The following DGKQ variants were observed in gnomAD, a reference collection of about 807,000 sequenced individuals.
DGKQ encodes diacylglycerol kinase theta, also known as DAG kinase theta.
A neutral mutation model predicts 104.2 loss-of-function variants in DGKQ; 97 were observed. That is an observed-to-expected ratio of 0.93 (90% CI 0.79 to 1.10). The LOEUF is 1.10. Ranked by LOEUF, DGKQ falls within the 50% of genes least tolerant of loss-of-function variation. The probability of loss-of-function intolerance (pLI) is 0.00; values close to 1 mark genes in which losing one functional copy is unlikely to be tolerated. For synonymous variants in DGKQ, 736 were observed against 595.2 expected (o/e 1.24, Z -3.44); for missense variants, 1,465 against 1,352.1 (o/e 1.08, Z -1.31).
intron 12 of DGKQ, 123 bp downstream of exon 12, chr4:966,343 C>G: frequency 8.8e-7 from 1 of 1,137,630 alleles, no homozygotes; most frequent in Non-Finnish European, 1.3e-6. Context: ...GCTGCCCTGT[C>G]AGCCAGGACA....
At chr4:968,780 C>T in intron 3 of DGKQ, 31 bp downstream of exon 3, 1 of 1,582,154 alleles carries the variant, frequency 6.3e-7, no homozygotes. Context: ...GACCAGGACA[C>T]TGGGTGGGGA....
intron 18 of DGKQ, 32 bp downstream of exon 18, chr4:962,403 T>C: frequency 1.3e-6 from 2 of 1,528,316 alleles, no homozygotes. Flanking sequence ...TGCAGGAGCC[T>C]GGAAGGCACC....
chr4:961,949 G>GT (rs1261693378), intron 19 of DGKQ, 33 bp downstream of exon 19: 4 of 1,610,554 alleles, frequency 2.5e-6, no homozygotes, highest in Non-Finnish European at 3.4e-6. Flanking sequence ...GAGGTATGCC[G>GT]TTGACAGGTG....
In DGKQ at chr4:967,919, TGCTGAAGCC is replaced by T; in HGVS notation, c.763_771del (p.Gly255_Ser257del). On this transcript the variant is annotated inframe_deletion, in exon 6 of 23. Transcript: ENST00000273814. ...TCCACGATGCGGAAGCTCTGCGTCT[TGCTGAAGCC>T]GCCGGGCAGAAGGCGCACGCACGCG... The T allele has an allele frequency of 6.8e-7, 1 of 1,463,236 alleles. No individual in the cohort carries two copies. Among genetic ancestry groups the T allele is most frequent in the Non-Finnish European group, 9.0e-7 (1 of 1,116,074 alleles). 90.6% of individuals were successfully genotyped at this position (1,463,236 alleles called of 1,614,324 possible). A position where few individuals can be genotyped will look rare whatever the true frequency, so the allele number is the denominator to read the frequency against.
chr4:963,994 G>A (rs952509037), intron 15 of DGKQ: 4 of 154,390 alleles, frequency 2.6e-5, no homozygotes, highest in Admixed American at 1.3e-4. Flanking sequence ...CACAGGGGCC[G>A]GCCGTGGCTG....
chr4:973,455 G>C lies in DGKQ; in HGVS notation c.28C>G (p.Arg10Gly), dbSNP rs1713104704. 2.0e-6 allele frequency: 2 copies of C among 986,324 alleles called. No individual in the cohort carries two copies. Among genetic ancestry groups the C allele is most frequent in the African/African-American group, 1.8e-5 (1 of 56,860 alleles). The allele number at this position is 986,324 out of a possible 1,614,324, so 61.1% of individuals were successfully genotyped here. ...GGGGAGCCGCCGCCCAGCCAGGCGC[G>C]GGCCCCGGGCTCGGCCGCCGCCGCC... MAAAAEPGA[R>G]AWLGGGSPRP... The change falls in exon 1 of 23, where the codon CGC (arginine) becomes GGC (glycine). Residue 10 changes from arginine (R) to glycine (G), a missense_variant. Coordinates refer to ENST00000273814, the MANE Select transcript of DGKQ (RefSeq NM_001347.4).
At position 965,385 on chromosome 4, in the gene DGKQ, G is replaced by A. The variant is rs1712226660; in HGVS notation, c.1619-94C>T. 7 of 1,548,136 alleles carry A rather than the reference G, an allele frequency of 4.5e-6. No individual in the cohort carries two copies. In the South Asian group the frequency reaches 8.0e-5, roughly 18 times the overall value. The stretch of plus-strand genomic sequence containing the variant: ...AACCAGGACGTTTCCCCAGCCCAGG[G>A]CTGCCCAAGGGAAAGGTCAGGTGCT... On this transcript the variant is annotated intron_variant, in intron 14 of 22. Coordinates refer to ENST00000273814, the MANE Select transcript of DGKQ (RefSeq NM_001347.4).
chr4:962,314 A>G, intron 18 of DGKQ, 121 bp downstream of exon 18: 2 of 1,081,072 alleles, frequency 1.9e-6, no homozygotes, highest in Non-Finnish European at 2.6e-6. Context: ...CCCGCTTTGC[A>G]GAGGGGATGA....
intron 12 of DGKQ, 77 bp downstream of exon 12, chr4:966,389 G>T: frequency 6.7e-7 from 1 of 1,502,412 alleles, no homozygotes; most frequent in Non-Finnish European, 9.2e-7. Context: ...GGCGTCTGGG[G>T]CACACCCACC....
rs375891086 is a variant in DGKQ at position 965,217 on chromosome 4, G to A, written c.1693C>T (p.Arg565Trp). The stretch of plus-strand genomic sequence containing the variant: ...ACCAGGGCAGTGAGCAGCCGGCCCC[G>A]CACAGCCATGTCCTTCAGCAGCATG... The part of the protein sequence containing the change: ...LYMLLKDMAV[R>W]GRLLTALVLP... The change falls in exon 15 of 23, where the codon CGG (arginine) becomes TGG (tryptophan). Residue 565 changes from arginine (R) to tryptophan (W), a missense_variant. By Grantham distance (101) the Arg-to-Trp change is moderately radical (BLOSUM62 -3). Coordinates refer to ENST00000273814, the MANE Select transcript of DGKQ (RefSeq NM_001347.4). The A allele has an allele frequency of 2.2e-5, 36 of 1,612,644 alleles. No individual in the cohort carries two copies. The African/African-American group carries it at 2.4e-4, about 11-fold the overall frequency.
intron 2 of DGKQ, 122 bp from the exon 3 acceptor site, chr4:969,032 G>A (rs1330337163): frequency 1.6e-6 from 1 of 636,582 alleles, no homozygotes; most frequent in African/African-American, 1.9e-5. Flanking sequence ...CCCAGGCTGA[G>A]CCAGCTGTGC....
Position 968,330 on chromosome 4 carries a change from G to GCT in DGKQ, c.614_615insAG (p.Ser206AlafsTer96). On this transcript the variant is annotated frameshift_variant, in exon 5 of 23. Coordinates refer to ENST00000273814, the MANE Select transcript of DGKQ (RefSeq NM_001347.4). LOFTEE classifies it high-confidence loss of function. ...GCACGCCGGCCAGCACGTCAGAGGA[G>GCT]CCGCACGTCTTCCTGCAGACCTCGC... 1 of 1,325,044 alleles carries GCT rather than the reference G, an allele frequency of 7.5e-7. No individual in the cohort carries two copies. The highest frequency in any genetic ancestry group is 9.8e-7 in the Non-Finnish European group (1 of 1,023,344). 82.1% of individuals were successfully genotyped at this position (1,325,044 alleles called of 1,614,324 possible). A position where few individuals can be genotyped will look rare whatever the true frequency, so the allele number is the denominator to read the frequency against.
chr4:973,172 C>A, intron 1 of DGKQ, 40 bp downstream of exon 1: 3 of 1,494,778 alleles, frequency 2.0e-6, no homozygotes, highest in South Asian at 1.3e-5. Context: ...GGGGCAGAGG[C>A]AGGGCTGCAG....
chr4:967,583 G>A lies in DGKQ; in HGVS notation c.953C>T (p.Thr318Met), dbSNP rs150670009. 5.9e-5 allele frequency: 95 copies of A among 1,612,536 alleles called. No individual in the cohort carries two copies. Among genetic ancestry groups the A allele is most frequent in the Non-Finnish European group, 7.2e-5 (85 of 1,179,868 alleles). Reference sequence around the variant, plus strand: ...CTCGGCACCGGCCAGGCGGGACACCGTGACGAGGCGGAACTGGCTTCTTCT... The same window carrying A: ...CTCGGCACCGGCCAGGCGGGACACCATGACGAGGCGGAACTGGCTTCTTCT... ...AVRRSQFRLV[T>M]VSRLAGAEEV... The change falls in exon 8 of 23, where the codon ACG (threonine) becomes ATG (methionine). Residue 318 changes from threonine to methionine, a missense_variant. Physicochemically the swap from Thr to Met is moderately conservative, Grantham distance 81. Coordinates refer to ENST00000273814, the MANE Select transcript of DGKQ (RefSeq NM_001347.4).
intron 20 of DGKQ, 46 bp from the exon 21 acceptor site, chr4:961,624 C>T (rs758688614): frequency 1.4e-5 from 22 of 1,610,078 alleles, no homozygotes; most frequent in East Asian, 2.2e-5. Context: ...GCAGGCAGGA[C>T]GAGGGCTGAG....
chr4:962,868 C>T lies in DGKQ; in HGVS notation c.1939G>A (p.Asp647Asn), dbSNP rs920067932. The change falls in exon 17 of 23, where the codon GAT becomes AAT. Residue 647 changes from aspartate (D) to asparagine (N), a missense_variant. Asp to Asn is a conservative substitution (Grantham distance 23). Transcript: ENST00000273814. ...PCFRVLVCGG[D>N]GTVGWVLGAL... is the part of the protein sequence containing the mutation. Reference sequence around the variant, plus strand: ...CCAAGCACCCAGCCCACAGTGCCATCGCCACCACACACCAGCACCCGGAAG... The same window carrying T: ...CCAAGCACCCAGCCCACAGTGCCATTGCCACCACACACCAGCACCCGGAAG... 2 of 1,608,584 alleles carry T rather than the reference C, an allele frequency of 1.2e-6. No homozygotes were observed. Among genetic ancestry groups the T allele is most frequent in the African/African-American group, 1.3e-5 (1 of 74,970 alleles).
At chr4:969,671 G>A (rs932258868) in intron 2 of DGKQ, among the ~76,000 whole-genome samples, 3 of 150,700 alleles carry the variant, frequency 2.0e-5, no homozygotes, top group East Asian at 2.0e-4. Context: ...GTGCAGTGGC[G>A]TGATCTCGGC....
chr4:966,708 G>A (rs754557309), intron 11 of DGKQ, 40 bp downstream of exon 11: 8 of 1,585,352 alleles, frequency 5.0e-6, no homozygotes, highest in Non-Finnish European at 6.9e-6. Context: ...AACCCAAAAG[G>A]TGCAGGGACC....
intron 17 of DGKQ, 57 bp downstream of exon 17, chr4:962,715 C>T (rs1711982604): frequency 1.0e-5 from 16 of 1,593,330 alleles, no homozygotes; most frequent in Non-Finnish European, 1.0e-5. Flanking sequence ...TCGGCAAAAG[C>T]TGCACAGGAA....
Sources: allele counts gnomAD v4.1 joint callset (sites outside exome capture counted in the v4.1 genomes callset), GRCh38; gene constraint gnomAD v4.1.1; transcripts MANE v1.5; gene names NCBI Gene and HGNC (gene_info 2026-07-23, HGNC 2026-07-21).